Variants in SAMD13 observed in about 807,000 individuals in gnomAD.
SAMD13 encodes the protein sterile alpha motif domain-containing protein 13.
SAMD13 carries 9 observed loss-of-function variants against 12.4 expected under a neutral mutation model. The observed-to-expected ratio is 0.72, with a 90% CI of 0.44 to 1.26. The LOEUF (loss-of-function observed/expected upper bound fraction) is 1.26. Ranked by LOEUF, SAMD13 falls within the 50% of genes most tolerant of loss-of-function variation. The probability of loss-of-function intolerance (pLI) is 0.00; values close to 1 mark genes in which losing one functional copy is unlikely to be tolerated. For synonymous variants in SAMD13, 46 were observed against 45.4 expected, an observed-to-expected ratio of 1.01 and a Z score of -0.05; for missense variants, 84 against 119.6, an observed-to-expected ratio of 0.70 and a Z score of 1.39.
In SAMD13 at chr1:84,303,224, G is replaced by A. The variant is rs777490000; in HGVS notation, c.-11G>A. The A allele has an allele frequency of 1.4e-5, 22 of 1,612,834 alleles. No individual in the cohort carries two copies. The highest frequency in any genetic ancestry group is 1.9e-5 in the Non-Finnish European group (22 of 1,179,016). On this transcript the variant is annotated 5_prime_UTR_variant, in exon 2 of 4. Transcript: ENST00000394834. ...TTAGTTGCTGAAGTAAAGGAACCCTGCAGCCTTCCCATGCTATCTGTTGAC... is the reference window on the plus strand; with the variant it reads ...TTAGTTGCTGAAGTAAAGGAACCCTACAGCCTTCCCATGCTATCTGTTGAC...
intron 3 of SAMD13, among the ~76,000 whole-genome samples, chr1:84,337,226 G>T (rs769267535): frequency 6.6e-6 from 1 of 152,106 alleles, no homozygotes; most frequent in Non-Finnish European, 1.5e-5. Flanking sequence ...CCACTAGGTG[G>T]TGCCTCAGTA....
chr1:84,305,466 A>C (rs886913732), intron 2 of SAMD13, among the ~76,000 whole-genome samples: 4 of 152,090 alleles, frequency 2.6e-5, no homozygotes, highest in African/African-American at 9.7e-5. Flanking sequence ...CATTCTCTCC[A>C]TAGCATCTTT....
chr1:84,350,640 A>G lies in SAMD13; in HGVS notation c.*866A>G, dbSNP rs1044272559. The G allele has an allele frequency of 6.6e-6, 1 of 151,706 alleles. No homozygotes were observed. Among genetic ancestry groups the G allele is most frequent in the Admixed American group, 6.6e-5 (1 of 15,186 alleles). 9.4% of individuals were successfully genotyped at this position (151,706 alleles called of 1,614,324 possible). On this transcript the variant is annotated 3_prime_UTR_variant, in exon 4 of 4. Transcript: ENST00000394834. ...TGGTGTAATTTTTTTTAATTGTCCT[A>G]TGCTTTGTTCGGTTCCTGGGTTAAG...
At chr1:84,331,939 C>T (rs1265715243) in intron 3 of SAMD13, among the ~76,000 whole-genome samples, 1 of 151,974 alleles carries the variant, frequency 6.6e-6, no homozygotes, top group African/African-American at 2.4e-5. Context: ...TCTTCATGTC[C>T]GTATGTGCTC....
At chr1:84,324,355 C>T (rs1177108852) in intron 2 of SAMD13, among the ~76,000 whole-genome samples, 1 of 152,148 alleles carries the variant, frequency 6.6e-6, no homozygotes, top group South Asian at 2.1e-4. Flanking sequence ...TGTCACAGGG[C>T]CTGGAATATT....
At chr1:84,322,671 A>T (rs1189346124) in intron 2 of SAMD13, among the ~76,000 whole-genome samples, 1 of 152,008 alleles carries the variant, frequency 6.6e-6, no homozygotes, top group East Asian at 1.9e-4. Flanking sequence ...AGGCTTTTAA[A>T]CTTAGGTAGA....
At chr1:84,328,496 C>A (rs1378268526) in intron 3 of SAMD13, among the ~76,000 whole-genome samples, 1 of 152,088 alleles carries the variant, frequency 6.6e-6, no homozygotes, top group Non-Finnish European at 1.5e-5. Flanking sequence ...TTGTCTCTGG[C>A]AGTGATTCAA....
At chr1:84,338,408 G>A (rs1679349174) in intron 3 of SAMD13, among the ~76,000 whole-genome samples, 1 of 150,202 alleles carries the variant, frequency 6.7e-6, no homozygotes, top group Non-Finnish European at 1.5e-5. Context: ...AAGAGAGAGA[G>A]CTGGTACAGG....
intron 3 of SAMD13, among the ~76,000 whole-genome samples, chr1:84,339,746 A>G (rs1160984457): frequency 1.3e-5 from 2 of 152,200 alleles, no homozygotes; most frequent in Admixed American, 6.5e-5. Flanking sequence ...AGTGAGTGGG[A>G]GGCAGGCCAG....
At chr1:84,322,302 GA>G (rs1477452502) in intron 2 of SAMD13, among the ~76,000 whole-genome samples, 1 of 152,004 alleles carries the variant, frequency 6.6e-6, no homozygotes, top group African/African-American at 2.4e-5. Flanking sequence ...AAGTATAGTG[GA>G]AAAAAAGCAG....
At chr1:84,340,797 G>A (rs1450882071) in intron 3 of SAMD13, among the ~76,000 whole-genome samples, 1 of 152,166 alleles carries the variant, frequency 6.6e-6, no homozygotes, top group African/African-American at 2.4e-5. Context: ...TCTTGACTGG[G>A]CTAAGAGATG....
chr1:84,303,249 CAT>C lies in SAMD13; in HGVS notation c.16_17del (p.Met6GlyfsTer21), dbSNP rs1678490456. 2 of 1,612,966 alleles carry C rather than the reference CAT, an allele frequency of 1.2e-6. No individual in the cohort carries two copies. The highest frequency in any genetic ancestry group is 1.7e-6 in the Non-Finnish European group (2 of 1,179,238). On this transcript the variant is annotated frameshift_variant, in exon 2 of 4. Coordinates refer to ENST00000394834, the MANE Select transcript of SAMD13 (RefSeq NM_001134663.2). LOFTEE classifies it high-confidence loss of function. MLSVD[M>X]ENKENGSVGV... ...GCAGCCTTCCCATGCTATCTGTTGA[CAT>C]GGAAAACAAGGAAAATGGCTCTGTC...
chr1:84,339,642 G>A (rs939278649), intron 3 of SAMD13, among the ~76,000 whole-genome samples: 3 of 152,172 alleles, frequency 2.0e-5, no homozygotes, highest in African/African-American at 7.2e-5. Context: ...CAGTGGCAAC[G>A]GGATCTGTGC....
At chr1:84,312,412 A>C (rs1379634260) in intron 2 of SAMD13, among the ~76,000 whole-genome samples, 1 of 151,416 alleles carries the variant, frequency 6.6e-6, no homozygotes, top group Non-Finnish European at 1.5e-5. Context: ...AAATTTTTCT[A>C]TGCTTATTTT....
chr1:84,325,137 G>A (rs1233397993), intron 2 of SAMD13, among the ~76,000 whole-genome samples: 1 of 152,174 alleles, frequency 6.6e-6, no homozygotes, highest in Non-Finnish European at 1.5e-5. Flanking sequence ...CAGAAAAAAT[G>A]CTTCAAAGAG....
intron 2 of SAMD13, among the ~76,000 whole-genome samples, chr1:84,321,068 G>A (rs866268128): frequency 2.6e-4 from 39 of 152,260 alleles, no homozygotes; most frequent in Admixed American, 7.2e-4. Context: ...GTGCCAACAT[G>A]AAAACCTCAT....
chr1:84,310,665 C>T (rs962107370), intron 2 of SAMD13, among the ~76,000 whole-genome samples: 1 of 152,102 alleles, frequency 6.6e-6, no homozygotes, highest in Non-Finnish European at 1.5e-5. Context: ...ACATTGACAA[C>T]TGATTTGTCT....
chr1:84,307,261 C>A (rs1260314203), intron 2 of SAMD13, among the ~76,000 whole-genome samples: 3 of 152,108 alleles, frequency 2.0e-5, no homozygotes, highest in Non-Finnish European at 4.4e-5. Flanking sequence ...TTTTTGATAG[C>A]TTCTATTGCT....
At chr1:84,317,278 G>A (rs768560566) in intron 2 of SAMD13, among the ~76,000 whole-genome samples, 110 of 152,100 alleles carry the variant, frequency 7.2e-4, no homozygotes, top group South Asian at 1.7e-3. Flanking sequence ...TCCTTGCCTC[G>A]TTCCTGATCT....
Sources: allele counts gnomAD v4.1 joint callset (sites outside exome capture counted in the v4.1 genomes callset), GRCh38; gene constraint gnomAD v4.1.1; transcripts MANE v1.5; gene names NCBI Gene and HGNC (gene_info 2026-07-23, HGNC 2026-07-21).